TAF6: variants seen among roughly 807,000 people sequenced by gnomAD.
TAF6 encodes the protein TATA-box binding protein associated factor 6.
In TAF6, 50 loss-of-function variants were observed where a neutral mutation model predicts 73.5. That is an observed-to-expected ratio of 0.68 (90% CI 0.54 to 0.86). The LOEUF (loss-of-function observed/expected upper bound fraction) is 0.86, where lower values mean the gene tolerates loss of function less well. Ranked by LOEUF, TAF6 falls within the 40% of genes least tolerant of loss-of-function variation. TAF6 has a pLI of 0.00. For missense variants in TAF6, 768 were observed against 899.5 expected (o/e 0.85, Z 1.87); for synonymous variants, 424 against 376.7 (o/e 1.13, Z -1.45).
At chr7:100,112,652 T>C (rs866600868) in intron 6 of TAF6, 146 bp downstream of exon 6, 8 of 1,175,238 alleles carry the variant, frequency 6.8e-6, no homozygotes, top group Middle Eastern at 3.2e-4. Flanking sequence ...GAGGTGGAGG[T>C]TGCAGTGAGC....
At chr7:100,113,513 G>A (rs891122785) in intron 4 of TAF6, 103 bp downstream of exon 4, 13 of 1,543,672 alleles carry the variant, frequency 8.4e-6, no homozygotes, top group African/African-American at 6.9e-5. Flanking sequence ...AACTCACCAG[G>A]GATCTCACAC....
chr7:100,111,929 G>A lies in TAF6; in HGVS notation c.791C>T (p.Ser264Leu), dbSNP rs753049378. 12 of 1,613,990 alleles carry A rather than the reference G, an allele frequency of 7.4e-6. No homozygotes were observed. The highest frequency in any genetic ancestry group is 4.4e-5 in the South Asian group (4 of 91,076). Residue 264 changes from serine (S) to leucine (L), a missense_variant, in exon 8 of 15, where the codon TCG becomes TTG. Physicochemically the swap from Ser to Leu is moderately radical, Grantham distance 145. Around this residue, in one of 5 missense-constraint regions of TAF6, gnomAD observed 78 missense variants for 153.4 expected, o/e 0.51. Transcript: ENST00000453269. Reference protein sequence around the residue: ...QMLPRFSTFISEGVRVNVVQN... With the variant: ...QMLPRFSTFILEGVRVNVVQN... ...GGAACCTCATGCTCTCACCCCCTCC[G>A]AGATAAAGGTACTGAACCGTGGCAG... is the stretch of plus-strand genomic sequence containing the variant.
chr7:100,119,967 G>C (rs573488352), upstream of TAF6: 41 of 1,009,188 alleles, frequency 4.1e-5, no homozygotes, highest in Non-Finnish European at 5.5e-5. Flanking sequence ...CTCCTTGAAG[G>C]CTTGAGGGAG....
intron 12 of TAF6, 117 bp from the exon 13 acceptor site, chr7:100,108,657 T>G: frequency 5.9e-6 from 7 of 1,192,446 alleles, no homozygotes; most frequent in Middle Eastern, 2.3e-4. Flanking sequence ...AGGACATTCC[T>G]TATCATCTCA....
intron 1 of TAF6, among the ~76,000 whole-genome samples, chr7:100,116,861 A>G (rs1405826660): frequency 6.6e-6 from 1 of 152,022 alleles, no homozygotes; most frequent in Non-Finnish European, 1.5e-5. Flanking sequence ...TTCTTCCCAA[A>G]TATCTAATTG....
At position 100,113,654 on chromosome 7, in the gene TAF6, G is replaced by A. The variant is rs1167123866; in HGVS notation, c.359C>T (p.Thr120Ile). Reference sequence around the variant, plus strand: ...GTCCAGGGGCACCCGGGGCAGAGGGGTATTGATGATGTCGCTCAGATCAAC... The same window carrying A: ...GTCCAGGGGCACCCGGGGCAGAGGGATATTGATGATGTCGCTCAGATCAAC... ...KEVDLSDIIN[T>I]PLPRVPLDVC... is the part of the protein sequence containing the mutation. The change falls in exon 4 of 15, where the codon ACC becomes ATC. Residue 120 changes from threonine (T) to isoleucine (I), a missense_variant. Physicochemically the swap from Thr to Ile is moderately conservative, Grantham distance 89. Transcript: ENST00000453269. The A allele has an allele frequency of 6.2e-7, 1 of 1,614,114 alleles. No homozygotes were observed. Among genetic ancestry groups the A allele is most frequent in the Non-Finnish European group, 8.5e-7 (1 of 1,180,030 alleles).
the TAF6 span, among the ~76,000 whole-genome samples, chr7:100,126,315 C>G: frequency 1.3e-5 from 2 of 152,162 alleles, no homozygotes; most frequent in Non-Finnish European, 2.9e-5. Flanking sequence ...GCACTCTAGC[C>G]TGGGCGACAG....
intron 5 of TAF6, 48 bp downstream of exon 5, chr7:100,113,301 G>T: frequency 6.6e-7 from 1 of 1,505,324 alleles, no homozygotes; most frequent in Admixed American, 2.2e-5. Flanking sequence ...AAGGTGGAAG[G>T]AAGGGGAAAG....
Position 100,111,286 on chromosome 7 carries a change from G to A in TAF6, c.936C>T (p.Ile312=), listed in dbSNP as rs530747205. Residue 312 remains isoleucine (I), a synonymous_variant, in exon 10 of 15, where the codon ATC becomes ATT. Transcript: ENST00000453269. ...GTCGCAGGCACAACTGTCTGCTCAC[G>A]ATGCAGGTCATCACAGCTGGAATCA... The part of the protein sequence containing the change: ...HELIPAVMTC[I]VSRQLCLRPD... 3.8e-5 allele frequency: 62 copies of A among 1,614,194 alleles called. No homozygotes were observed. In the Middle Eastern group the frequency reaches 5.0e-4, roughly 13 times the overall value.
At chr7:100,115,835 G>A (rs747788643) in intron 1 of TAF6, among the ~76,000 whole-genome samples, 4 of 151,996 alleles carry the variant, frequency 2.6e-5, no homozygotes, top group Non-Finnish European at 4.4e-5. Flanking sequence ...GCTTGGCGTG[G>A]TGGCACGCAC....
At chr7:100,114,455 G>A (rs995126252) in intron 1 of TAF6, 187 bp from the exon 2 acceptor site, 1 of 653,460 alleles carries the variant, frequency 1.5e-6, no homozygotes, top group Non-Finnish European at 2.7e-6. Flanking sequence ...AGTGGCTCAC[G>A]CCTGTAATCC....
At position 100,107,252 on chromosome 7, in the gene TAF6, A is replaced by G. The variant is rs1796608120; in HGVS notation, c.2028T>C (p.Ala676=). ...SQPNSGSPQP[A]P is the part of the protein sequence containing the mutation. ...GGGGCTGGCAGGTGGAGCATCACGG[A>G]GCAGGCTGAGGGGAGCCGGAGTTGG... The change falls in exon 15 of 15, where the codon GCT becomes GCC. Residue 676 remains alanine (A), a synonymous_variant. Transcript: ENST00000453269. 1 of 1,523,162 alleles carries G rather than the reference A, an allele frequency of 6.6e-7. No homozygotes were observed. The highest frequency in any genetic ancestry group is 8.8e-7 in the Non-Finnish European group (1 of 1,138,738). The allele number at this position is 1,523,162 out of a possible 1,614,324, so 94.4% of individuals were successfully genotyped here.
At chr7:100,126,017 T>C in the TAF6 span, among the ~76,000 whole-genome samples, 3 of 152,072 alleles carry the variant, frequency 2.0e-5, no homozygotes, top group African/African-American at 7.2e-5. Context: ...AAAGCCCGTC[T>C]CTACTAAAAA....
At chr7:100,115,336 A>G (rs954715938) in intron 1 of TAF6, 1 of 152,166 alleles carries the variant, frequency 6.6e-6, no homozygotes, top group Non-Finnish European at 1.5e-5. Flanking sequence ...ATCCATCCAG[A>G]CACTTGTTCT....
intron 5 of TAF6, 31 bp downstream of exon 5, chr7:100,113,318 A>G: frequency 2.6e-6 from 4 of 1,547,194 alleles, no homozygotes; most frequent in Non-Finnish European, 8.7e-7. Flanking sequence ...AAAGGGACCC[A>G]GAGACCCAGA....
At chr7:100,111,705 G>T in intron 9 of TAF6, 23 bp downstream of exon 9, 1 of 1,611,898 alleles carries the variant, frequency 6.2e-7, no homozygotes, top group Non-Finnish European at 8.5e-7. Flanking sequence ...TCCCTGGAAG[G>T]GAGGATGGGC....
rs576092188 is a variant in TAF6 at position 100,113,848 on chromosome 7, C to G, written c.243+20G>C. 6.3e-5 allele frequency: 102 copies of G among 1,606,864 alleles called. 1 individual carries two copies. Among genetic ancestry groups the G allele is most frequent in the Middle Eastern group, 3.3e-4 (2 of 6,034 alleles). On this transcript the variant is annotated intron_variant, in intron 3 of 14. Transcript: ENST00000453269. ...GAAGGATGGCGTCTCACCCCCCCCC[C>G]GCCTGTCTCCCCAAATCACCTCGAC... is the stretch of plus-strand genomic sequence containing the variant.
chr7:100,117,403 C>A (rs964200075), intron 1 of TAF6, among the ~76,000 whole-genome samples: 11 of 151,388 alleles, frequency 7.3e-5, no homozygotes, highest in African/African-American at 2.4e-4. Context: ...TCCTGCGTAG[C>A]TGGGATTACA....
At chr7:100,116,234 T>A (rs534032066) in intron 1 of TAF6, among the ~76,000 whole-genome samples, 129 of 152,150 alleles carry the variant, frequency 8.5e-4, no homozygotes, top group Non-Finnish European at 1.1e-3. Flanking sequence ...ATCCTTATAA[T>A]GGGCAGGTGC....
Sources: gnomAD v4.1 joint callset for allele counts (sites outside exome capture counted in the v4.1 genomes callset) on GRCh38, gnomAD v4.1.1 for gene constraint, gnomAD v4.1.1 regional missense constraint, MANE v1.5 for transcripts, NCBI Gene and HGNC (gene_info 2026-07-23, HGNC 2026-07-21) for gene names.